The following CCDC57 variants were observed in gnomAD, a reference collection of about 807,000 sequenced individuals.
CCDC57 encodes the protein coiled-coil domain-containing protein 57.
A neutral mutation model predicts 118.9 loss-of-function variants in CCDC57; 118 were observed. That is an observed-to-expected ratio of 0.99 (90% CI 0.86 to 1.16). The LOEUF (loss-of-function observed/expected upper bound fraction) is 1.16, where lower values mean the gene tolerates loss of function less well. Ranked by LOEUF, CCDC57 falls within the 50% of genes most tolerant of loss-of-function variation. CCDC57 has a pLI of 0.00. For missense variants in CCDC57, 1,300 were observed against 1,320.7 expected (o/e 0.98, Z 0.24); for synonymous variants, 527 against 532.9 (o/e 0.99, Z 0.15).
intron 16 of CCDC57, among the ~76,000 whole-genome samples, chr17:82,144,387 T>C (rs543834847): frequency 1.3e-4 from 20 of 152,218 alleles, no homozygotes; most frequent in Admixed American, 9.8e-4. Context: ...TAGAAAGTCA[T>C]CTACAGATAC....
intron 8 of CCDC57, among the ~76,000 whole-genome samples, chr17:82,185,449 T>C (rs1176695863): frequency 1.3e-5 from 2 of 149,820 alleles, no homozygotes; most frequent in East Asian, 4.0e-4. Context: ...CTAAACCCTG[T>C]CTCTACTCAA....
chr17:82,203,985 C>T lies in CCDC57; in HGVS notation c.-8-2033G>A, dbSNP rs771825376. On this transcript the variant is annotated intron_variant, in intron 2 of 19. Transcript: ENST00000665763. ...CAGCCAGGCTGAGCACCGGCTGTGA[C>T]GAAGCACAAGGAGGAGGTGGGTAAG... Among the ~76,000 whole-genome samples the T allele has an allele frequency of 2.6e-5, 4 of 152,132 alleles. No individual in the cohort carries two copies. The East Asian group carries it at 7.7e-4, about 29-fold the overall frequency.
rs557078740 is a variant in CCDC57 at position 82,145,014 on chromosome 17, CTTTTT to C, written c.2455+6541_2455+6545del. Among the ~76,000 whole-genome samples, 12 of 130,876 alleles carry C rather than the reference CTTTTT, an allele frequency of 9.2e-5. No individual in the cohort carries two copies. The Admixed American group carries it at 1.1e-3, about 12-fold the overall frequency. The allele number at this position is 130,876 out of a possible 152,430, so 85.9% of individuals were successfully genotyped here. A position where few individuals can be genotyped will look rare whatever the true frequency, so the allele number is the denominator to read the frequency against. ...CCTCCAAATCAATTTTATTTCTTTT[CTTTTT>C]TTTTTTCTTTTTTTTTTTTTTGAGA... is the stretch of plus-strand genomic sequence containing the variant. On this transcript the variant is annotated intron_variant, in intron 16 of 19. Transcript: ENST00000665763.
chr17:82,203,983 G>C (rs1352952784), intron 2 of CCDC57, among the ~76,000 whole-genome samples: 3 of 152,318 alleles, frequency 2.0e-5, no homozygotes, highest in Non-Finnish European at 2.9e-5. Context: ...CACCGGCTGT[G>C]ACGAAGCACA....
chr17:82,113,527 C>A, intron 19 of CCDC57: 3 of 717,614 alleles, frequency 4.2e-6, no homozygotes, highest in Non-Finnish European at 7.8e-6. Flanking sequence ...GAGGCCCGCG[C>A]TGCATGTTTT....
At chr17:82,127,239 A>G in intron 19 of CCDC57, 1 of 985,418 alleles carries the variant, frequency 1.0e-6, no homozygotes, top group Non-Finnish European at 1.2e-6. Flanking sequence ...GAGGCTGAGC[A>G]TCACTGGGGT....
intron 7 of CCDC57, among the ~76,000 whole-genome samples, chr17:82,189,994 G>A (rs1177993767): frequency 6.6e-6 from 1 of 151,960 alleles, no homozygotes; most frequent in Non-Finnish European, 1.5e-5. Context: ...TGGGTGATAA[G>A]AGTGAAACTC....
chr17:82,193,719 T>C (rs1347112018), intron 7 of CCDC57, 37 bp downstream of exon 6: 1 of 1,554,714 alleles, frequency 6.4e-7, no homozygotes, highest in African/African-American at 1.4e-5. Context: ...CTGGGGCCAC[T>C]GACATGCTGC....
rs554263005 is a variant in CCDC57 at position 82,118,129 on chromosome 17, G to T, written c.2899+9563C>A. Among the ~76,000 whole-genome samples, 3 of 152,242 alleles carry T rather than the reference G, an allele frequency of 2.0e-5. No homozygotes were observed. Among genetic ancestry groups the T allele is most frequent in the African/African-American group, 7.2e-5 (3 of 41,538 alleles). Reference sequence around the variant, plus strand: ...GCAGACATAAATAAAAAAGCAAGCTGCCCCCACGATATGCAATTGACAAGA... The same window carrying T: ...GCAGACATAAATAAAAAAGCAAGCTTCCCCCACGATATGCAATTGACAAGA... On this transcript the variant is annotated intron_variant, in intron 19 of 19. Coordinates refer to ENST00000665763, the Ensembl canonical transcript of CCDC57. The surrounding 1 kb of genome is among the most constrained non-coding windows in gnomAD (Gnocchi z 4.7).
At chr17:82,180,146 T>C (rs2046025107) in intron 9 of CCDC57, among the ~76,000 whole-genome samples, 1 of 152,220 alleles carries the variant, frequency 6.6e-6, no homozygotes, top group Admixed American at 6.5e-5. Flanking sequence ...AGAGGGTCCC[T>C]GGAGGGGCTG....
chr17:82,101,665 G>A (rs759000369), exon 20 of CCDC57: 25 of 1,583,522 alleles, frequency 1.6e-5, no homozygotes, highest in Admixed American at 3.6e-5. Context: ...TTAGTGGGGC[G>A]GGGTGGGGGG....
rs566415454 is a variant in CCDC57 at position 82,162,588 on chromosome 17, G to A, written c.2040+612C>T. Reference sequence around the variant, plus strand: ...CCCCTCTGAGCGGGCAGGTGGCATCGGGCAGCCCGCACACACGCCCCACTG... The same window carrying A: ...CCCCTCTGAGCGGGCAGGTGGCATCAGGCAGCCCGCACACACGCCCCACTG... On this transcript the variant is annotated intron_variant, in intron 14 of 19. Transcript: ENST00000665763. 5.5e-5 allele frequency among the ~76,000 whole-genome samples: 8 copies of A among 146,602 alleles called. No individual in the cohort carries two copies. The South Asian group carries it at 1.3e-3, about 24-fold the overall frequency.
intron 16 of CCDC57, among the ~76,000 whole-genome samples, chr17:82,150,529 T>A (rs1471625983): frequency 8.4e-5 from 6 of 71,182 alleles, no homozygotes; most frequent in African/African-American, 2.3e-4. Context: ...ACTCAGAACC[T>A]GGTGCACATC....
exon 11 of CCDC57, chr17:82,178,474 C>T (rs1209228836): frequency 6.2e-7 from 1 of 1,606,724 alleles, no homozygotes; most frequent in Non-Finnish European, 8.5e-7. Flanking sequence ...GTACTCTCAC[C>T]TGTGCCCCTG....
At position 82,192,597 on chromosome 17, in the gene CCDC57, C is replaced by T. The variant is rs1015895511; in HGVS notation, c.851+1159G>A. ...ACACGGTGCAGCTAAGCAAGCAGTC[C>T]TGCACCACTGCCATCTGCACTGTGT... On this transcript the variant is annotated intron_variant, in intron 7 of 19. Transcript: ENST00000665763. The surrounding 1 kb of genome is among the most constrained non-coding windows in gnomAD (Gnocchi z 4.0). Among the ~76,000 whole-genome samples, 7 of 152,210 alleles carry T rather than the reference C, an allele frequency of 4.6e-5. No homozygotes were observed. Among genetic ancestry groups the T allele is most frequent in the Non-Finnish European group, 1.0e-4 (7 of 68,038 alleles).
At chr17:82,150,803 C>G (rs1311872059) in intron 16 of CCDC57, among the ~76,000 whole-genome samples, 14 of 91,154 alleles carry the variant, frequency 1.5e-4, no homozygotes, top group African/African-American at 5.0e-4. Context: ...AGAACCTGAC[C>G]CACACCCAGA....
At chr17:82,191,652 A>C (rs539894320) in intron 7 of CCDC57, among the ~76,000 whole-genome samples, 1 of 152,058 alleles carries the variant, frequency 6.6e-6, no homozygotes, top group African/African-American at 2.4e-5. Context: ...TCCACTTAAC[A>C]AACGGTAAAC....
At chr17:82,183,522 T>C (rs2046459486) in intron 9 of CCDC57, among the ~76,000 whole-genome samples, 1 of 152,096 alleles carries the variant, frequency 6.6e-6, no homozygotes, top group Non-Finnish European at 1.5e-5. Context: ...CAGGAGCACC[T>C]TTATGGCTCT....
At chr17:82,150,966 T>C (rs138642508) in intron 16 of CCDC57, among the ~76,000 whole-genome samples, 9,835 of 17,308 alleles carry the variant, frequency 0.57, 2,767 homozygotes, top group Non-Finnish European at 0.61. Flanking sequence ...GAACCTGACC[T>C]GCACCTAGAA....
Sources: gnomAD v4.1 joint callset for allele counts (sites outside exome capture counted in the v4.1 genomes callset) on GRCh38, gnomAD v4.1.1 for gene constraint, Gnocchi (gnomAD v3.1) non-coding constraint, MANE v1.5 for transcripts, NCBI Gene and HGNC (gene_info 2026-07-23, HGNC 2026-07-21) for gene names.